Variants in UBE2E2 observed in about 807,000 individuals in gnomAD.
The protein encoded by UBE2E2 is ubiquitin-conjugating enzyme E2 E2.
Under a neutral mutation model 24.7 loss-of-function variants are expected in UBE2E2, and 6 were observed. The ratio of observed to expected loss-of-function variants is 0.24; its 90% CI spans 0.13 to 0.48. UBE2E2 has a LOEUF of 0.48. Ranked by LOEUF, UBE2E2 falls within the 20% of genes least tolerant of loss-of-function variation. The pLI is 0.99. For missense variants in UBE2E2, 169 were observed against 245.0 expected, an observed-to-expected ratio of 0.69 and a Z score of 2.07; for synonymous variants, 104 against 83.6, an observed-to-expected ratio of 1.24 and a Z score of -1.33.
At chr3:23,389,933 C>G (rs1246277943) in intron 3 of UBE2E2, 1 of 153,524 alleles carries the variant, frequency 6.5e-6, no homozygotes, top group African/African-American at 2.4e-5. Flanking sequence ...GAAAAAGATG[C>G]AAATCAAATG....
At chr3:23,259,622 A>G (rs1697842896) in intron 3 of UBE2E2, among the ~76,000 whole-genome samples, 1 of 152,136 alleles carries the variant, frequency 6.6e-6, no homozygotes, top group South Asian at 2.1e-4. Flanking sequence ...CTTGGAGTAA[A>G]ATTTAGGGGC....
chr3:23,233,851 A>G (rs6774214), intron 3 of UBE2E2, among the ~76,000 whole-genome samples: 24,214 of 152,140 alleles, frequency 0.16, 2,053 homozygotes, highest in South Asian at 0.25. Flanking sequence ...TTCATGGGAT[A>G]TGAATCACAG....
chr3:23,463,264 A>G (rs1159854952), intron 3 of UBE2E2, among the ~76,000 whole-genome samples: 1 of 152,144 alleles, frequency 6.6e-6, no homozygotes, highest in African/African-American at 2.4e-5. Context: ...AACAACAATA[A>G]GGTGGGAATG....
intron 3 of UBE2E2, among the ~76,000 whole-genome samples, chr3:23,418,725 A>G (rs1352357366): frequency 3.3e-5 from 5 of 152,168 alleles, no homozygotes; most frequent in Non-Finnish European, 7.3e-5. Context: ...TAGATCTGTC[A>G]TGATAATATT....
chr3:23,566,147 A>G (rs916424579), intron 5 of UBE2E2, among the ~76,000 whole-genome samples: 3 of 152,176 alleles, frequency 2.0e-5, no homozygotes, highest in African/African-American at 7.2e-5. Context: ...GAAAACTCAT[A>G]TTTCCTCCTG....
intron 4 of UBE2E2, among the ~76,000 whole-genome samples, chr3:23,527,624 C>G (rs903959981): frequency 6.6e-6 from 1 of 152,094 alleles, no homozygotes; most frequent in East Asian, 1.9e-4. Context: ...CAGCCCCTTT[C>G]CCCTATAACC....
intron 3 of UBE2E2, among the ~76,000 whole-genome samples, chr3:23,325,548 C>G (rs1007135360): frequency 1.3e-5 from 2 of 152,190 alleles, no homozygotes; most frequent in African/African-American, 2.4e-5. Context: ...TTTCCATTCT[C>G]ATTCTTTTCT....
intron 5 of UBE2E2, among the ~76,000 whole-genome samples, chr3:23,578,257 C>CTAT (rs1481332581): frequency 6.6e-6 from 1 of 152,070 alleles, no homozygotes; most frequent in Non-Finnish European, 1.5e-5. Flanking sequence ...GTCAGAATGT[C>CTAT]TATTATTAAC....
At chr3:23,239,606 C>G (rs1185546714) in intron 3 of UBE2E2, among the ~76,000 whole-genome samples, 2 of 151,990 alleles carry the variant, frequency 1.3e-5, no homozygotes, top group Non-Finnish European at 2.9e-5. Flanking sequence ...AAAGGCTAGG[C>G]AAATAATTGA....
intron 5 of UBE2E2, among the ~76,000 whole-genome samples, chr3:23,571,954 G>A (rs1284063257): frequency 6.6e-6 from 1 of 152,122 alleles, no homozygotes; most frequent in Non-Finnish European, 1.5e-5. Flanking sequence ...TTTTATGTTG[G>A]ACTCCTGGAG....
At position 23,246,222 on chromosome 3, in the gene UBE2E2, A is replaced by ATT. The variant is rs398051684; in HGVS notation, c.227+28924_227+28925dup. 3.6e-4 allele frequency among the ~76,000 whole-genome samples: 37 copies of ATT among 102,208 alleles called. 3 individuals are homozygous for ATT. Among genetic ancestry groups the ATT allele is most frequent in the African/African-American group, 1.3e-3 (31 of 24,350 alleles). The allele number at this position is 102,208 out of a possible 152,430, so 67.1% of individuals were successfully genotyped here. A position where few individuals can be genotyped will look rare whatever the true frequency, so the allele number is the denominator to read the frequency against. The stretch of plus-strand genomic sequence containing the variant: ...AGGTGTATGCCACCATGCGTGGCTA[A>ATT]TTTTTTTTTTTTTTTCGAGATGGAG... On this transcript the variant is annotated intron_variant, in intron 3 of 5. Transcript: ENST00000396703.
intron 3 of UBE2E2, among the ~76,000 whole-genome samples, chr3:23,391,811 T>C (rs888065587): frequency 6.6e-6 from 1 of 152,128 alleles, no homozygotes; most frequent in Admixed American, 6.6e-5. Flanking sequence ...GAGTTTGGAT[T>C]GTGAGGGATG....
intron 3 of UBE2E2, among the ~76,000 whole-genome samples, chr3:23,410,209 A>G (rs1416612580): frequency 3.3e-5 from 5 of 152,312 alleles, no homozygotes; most frequent in Non-Finnish European, 7.4e-5. Context: ...GTGTCTGTCA[A>G]TTATCTGAAA....
chr3:23,298,305 C>T (rs1286269326), intron 3 of UBE2E2, among the ~76,000 whole-genome samples: 1 of 151,822 alleles, frequency 6.6e-6, no homozygotes, highest in Non-Finnish European at 1.5e-5. Context: ...ATTGCCCTGG[C>T]CAGAACTTCC....
chr3:23,414,145 C>G (rs1377212519), intron 3 of UBE2E2, among the ~76,000 whole-genome samples: 1 of 152,142 alleles, frequency 6.6e-6, no homozygotes, highest in African/African-American at 2.4e-5. Flanking sequence ...ATGTTAATGA[C>G]ATTGTTACAG....
At chr3:23,491,757 T>C (rs1699501286) in intron 3 of UBE2E2, among the ~76,000 whole-genome samples, 1 of 152,156 alleles carries the variant, frequency 6.6e-6, no homozygotes, top group Non-Finnish European at 1.5e-5. Flanking sequence ...AAGATCCTAC[T>C]TAAAGGAGTT....
At chr3:23,420,010 A>T (rs554078640) in intron 3 of UBE2E2, among the ~76,000 whole-genome samples, 1 of 152,244 alleles carries the variant, frequency 6.6e-6, no homozygotes, top group Non-Finnish European at 1.5e-5. Context: ...AGGCATGTAC[A>T]TACAAGAATA....
chr3:23,492,248 A>G (rs1050474600), intron 3 of UBE2E2, among the ~76,000 whole-genome samples: 3 of 152,186 alleles, frequency 2.0e-5, no homozygotes, highest in African/African-American at 7.2e-5. Context: ...CATAGGTGCA[A>G]TATATAGTTT....
rs372414406 is a variant in UBE2E2, at chr3:23,298,457, G to A, written c.227+81145G>A. 6.2e-3 allele frequency among the ~76,000 whole-genome samples: 943 copies of A among 151,608 alleles called. 18 individuals are homozygous for A. Among genetic ancestry groups the A allele is most frequent in the East Asian group, 0.044 (229 of 5,162 alleles). On this transcript the variant is annotated intron_variant, in intron 3 of 5. Transcript: ENST00000396703. ...GATAGCTCTTATTATTTTGAGATAC[G>A]TCCCATCAATACCTAATTTATTGAG...
Sources: gnomAD v4.1 joint callset for allele counts (sites outside exome capture counted in the v4.1 genomes callset) on GRCh38, gnomAD v4.1.1 for gene constraint, MANE v1.5 for transcripts, NCBI Gene and HGNC (gene_info 2026-07-23, HGNC 2026-07-21) for gene names.